Variants in NT5DC3 observed in about 807,000 individuals in gnomAD.
NT5DC3 encodes the protein 5'-nucleotidase domain containing 3, also known as 5'-nucleotidase domain-containing protein 3.
In NT5DC3, 42 loss-of-function variants were observed where a neutral mutation model predicts 67.8. The observed-to-expected ratio is 0.62, with a 90% confidence interval of 0.48 to 0.80. The LOEUF is 0.80. Ranked by LOEUF, NT5DC3 falls within the 30% of genes least tolerant of loss-of-function variation. The pLI, the probability that NT5DC3 is intolerant of heterozygous loss-of-function variation, is 0.00. For synonymous variants in NT5DC3, 237 were observed against 255.6 expected (o/e 0.93, Z 0.69); for missense variants, 570 against 696.4 (o/e 0.82, Z 2.04).
intron 1 of NT5DC3, among the ~76,000 whole-genome samples, chr12:103,817,962 C>T (rs1055652124): frequency 2.0e-5 from 3 of 152,222 alleles, no homozygotes; most frequent in African/African-American, 7.2e-5. Context: ...AGTCAGGGCA[C>T]TGAGGCCCCA....
chr12:103,756,172 G>A, the NT5DC3 span, among the ~76,000 whole-genome samples: 6 of 152,140 alleles, frequency 3.9e-5, no homozygotes, highest in Admixed American at 2.6e-4. Flanking sequence ...CACCCAGTGA[G>A]CCAAATTAAC....
chr12:103,817,843 C>G (rs1464666844), intron 1 of NT5DC3, among the ~76,000 whole-genome samples: 1 of 152,198 alleles, frequency 6.6e-6, no homozygotes, highest in East Asian at 1.9e-4. Flanking sequence ...CTTCCCCTTT[C>G]CTTTCTACTC....
At position 103,793,283 on chromosome 12, in the gene NT5DC3, C is replaced by T; in HGVS notation, c.918-18G>A. 6.3e-7 allele frequency: 1 copy of T among 1,589,308 alleles called. No individual in the cohort carries two copies. Among genetic ancestry groups the T allele is most frequent in the Non-Finnish European group, 8.6e-7 (1 of 1,159,484 alleles). On this transcript the variant is annotated intron_variant, in intron 8 of 13. Transcript: ENST00000392876. ...CTTTGTCCCTAGGGCAACAAGTCAGCCAGGTTAGTCTAACATTAAAGAGAT... is the reference window on the plus strand; with the variant it reads ...CTTTGTCCCTAGGGCAACAAGTCAGTCAGGTTAGTCTAACATTAAAGAGAT...
downstream of NT5DC3, among the ~76,000 whole-genome samples, chr12:103,772,109 G>A (rs1885199226): frequency 6.6e-6 from 1 of 152,120 alleles, no homozygotes; most frequent in African/African-American, 2.4e-5. Context: ...CCCAAAAAAG[G>A]TTATCCCTTC....
At chr12:103,810,229 G>C (rs1886973768) in intron 2 of NT5DC3, among the ~76,000 whole-genome samples, 1 of 152,114 alleles carries the variant, frequency 6.6e-6, no homozygotes, top group Non-Finnish European at 1.5e-5. Flanking sequence ...GGTGATTTCT[G>C]TGCTCTACTC....
chr12:103,760,244 C>G, the NT5DC3 span, among the ~76,000 whole-genome samples: 2 of 152,160 alleles, frequency 1.3e-5, no homozygotes, highest in Non-Finnish European at 2.9e-5. Flanking sequence ...AATAATGCCA[C>G]AATGGTGTGT....
At chr12:103,796,472 G>A (rs1886320706) in intron 6 of NT5DC3, among the ~76,000 whole-genome samples, 1 of 152,176 alleles carries the variant, frequency 6.6e-6, no homozygotes, top group South Asian at 2.1e-4. Context: ...GTTGCAGTGA[G>A]CCAAGATCAC....
At chr12:103,771,958 T>A (rs115935308), downstream of NT5DC3, among the ~76,000 whole-genome samples, 1,228 of 151,890 alleles carry the variant, frequency 8.1e-3, 14 homozygotes, top group African/African-American at 0.029. Context: ...CCATCACAGG[T>A]ACACAAAGGC....
chr12:103,813,227 T>C (rs773028862), intron 2 of NT5DC3, among the ~76,000 whole-genome samples: 4 of 152,202 alleles, frequency 2.6e-5, no homozygotes, highest in Non-Finnish European at 5.9e-5. Context: ...AGTGAACAGA[T>C]GGCATGGGGT....
intron 1 of NT5DC3, among the ~76,000 whole-genome samples, chr12:103,837,308 A>G (rs1244830821): frequency 1.3e-5 from 2 of 152,208 alleles, no homozygotes; most frequent in Non-Finnish European, 1.5e-5. Context: ...CAAGCATGTA[A>G]TGGGAAAGAC....
rs1377681002 is a variant in NT5DC3 at position 103,816,651 on chromosome 12, G to A, written c.209-1530C>T. 7.9e-5 allele frequency among the ~76,000 whole-genome samples: 12 copies of A among 152,122 alleles called. 1 individual carries two copies. The highest frequency in any genetic ancestry group is 7.2e-4 in the Admixed American group (11 of 15,278). On this transcript the variant is annotated intron_variant, in intron 1 of 13. Coordinates refer to ENST00000392876, the MANE Select transcript of NT5DC3 (RefSeq NM_001031701.3). ...ATTCATTCTACTTTACAATTTCCATGAGTCCACTGGATGCTTTTAAAAAAT... is the reference window on the plus strand; with the variant it reads ...ATTCATTCTACTTTACAATTTCCATAAGTCCACTGGATGCTTTTAAAAAAT...
At chr12:103,822,123 T>C (rs1479726415) in intron 1 of NT5DC3, 1 of 151,944 alleles carries the variant, frequency 6.6e-6, no homozygotes, top group African/African-American at 2.4e-5. Flanking sequence ...TTTTTGAACA[T>C]TAAAAACAAG....
intron 2 of NT5DC3, among the ~76,000 whole-genome samples, chr12:103,812,826 A>G (rs567056760): frequency 6.6e-6 from 1 of 152,344 alleles, no homozygotes; most frequent in African/African-American, 2.4e-5. Flanking sequence ...ATTAGAAACA[A>G]TAGTATTAGT....
intron 1 of NT5DC3, among the ~76,000 whole-genome samples, chr12:103,824,350 T>C (rs1887604367): frequency 6.6e-6 from 1 of 152,218 alleles, no homozygotes; most frequent in African/African-American, 2.4e-5. Context: ...CAATGGCAGA[T>C]GTTGAGACGA....
the NT5DC3 span, chr12:103,755,785 G>C: frequency 9.4e-6 from 14 of 1,484,742 alleles, no homozygotes; most frequent in Non-Finnish European, 9.4e-7. Context: ...GTATTAGAGG[G>C]GTGAGGCCTT....
At chr12:103,833,812 G>A (rs1888032264) in intron 1 of NT5DC3, among the ~76,000 whole-genome samples, 1 of 152,038 alleles carries the variant, frequency 6.6e-6, no homozygotes, top group Non-Finnish European at 1.5e-5. Context: ...TACCTAACAG[G>A]ACAGGCCAAG....
At chr12:103,803,047 G>A (rs941026695) in intron 4 of NT5DC3, among the ~76,000 whole-genome samples, 21 of 152,158 alleles carry the variant, frequency 1.4e-4, no homozygotes, top group African/African-American at 4.8e-4. Flanking sequence ...AAGTGTCTAT[G>A]GAGGGGGCCA....
At chr12:103,830,001 C>T (rs889424848) in intron 1 of NT5DC3, among the ~76,000 whole-genome samples, 5 of 152,154 alleles carry the variant, frequency 3.3e-5, no homozygotes, top group African/African-American at 4.8e-5. Context: ...GAATGGTCTG[C>T]TATCACTGTT....
At chr12:103,797,088 C>T (rs1886351982) in intron 5 of NT5DC3, 57 bp from the exon 6 acceptor site, 9 of 1,586,470 alleles carry the variant, frequency 5.7e-6, no homozygotes, top group Non-Finnish European at 7.8e-6. Context: ...AGGGACAGAG[C>T]CACGAAGCAC....
Sources: allele counts gnomAD v4.1 joint callset (sites outside exome capture counted in the v4.1 genomes callset), GRCh38; gene constraint gnomAD v4.1.1; transcripts MANE v1.5; gene names NCBI Gene and HGNC (gene_info 2026-07-23, HGNC 2026-07-21).